Variants in TBC1D32 observed in about 807,000 individuals in gnomAD.
The protein encoded by TBC1D32 is protein broad-minded.
In TBC1D32, 151 loss-of-function variants were observed where a neutral mutation model predicts 170.3. The observed-to-expected ratio is 0.89, with a 90% CI of 0.78 to 1.01. The LOEUF (loss-of-function observed/expected upper bound fraction) is 1.01, where lower values mean the gene tolerates loss of function less well. Ranked by LOEUF, TBC1D32 falls within the 50% of genes least tolerant of loss-of-function variation. The pLI is 0.00. For missense variants in TBC1D32, 1,464 were observed against 1,457.1 expected, an observed-to-expected ratio of 1.00 and a Z score of -0.08; for synonymous variants, 498 against 488.0, an observed-to-expected ratio of 1.02 and a Z score of -0.27.
intron 15 of TBC1D32, among the ~76,000 whole-genome samples, chr6:121,275,304 G>C (rs1225547469): frequency 1.3e-5 from 2 of 152,058 alleles, no homozygotes; most frequent in Non-Finnish European, 2.9e-5. Flanking sequence ...ATAGCTGAAA[G>C]TAGTTGTCTC....
intron 30 of TBC1D32, among the ~76,000 whole-genome samples, chr6:121,096,437 C>G (rs573347867): frequency 4.5e-4 from 68 of 152,112 alleles, no homozygotes; most frequent in African/African-American, 1.5e-3. Context: ...GAGTGAACTT[C>G]CATTCACAAT....
At chr6:121,316,331 A>G (rs1326830995) in intron 3 of TBC1D32, among the ~76,000 whole-genome samples, 3 of 152,122 alleles carry the variant, frequency 2.0e-5, no homozygotes, top group Non-Finnish European at 4.4e-5. Flanking sequence ...GTAAGAGCAT[A>G]TAATCTTGTG....
intron 20 of TBC1D32, among the ~76,000 whole-genome samples, chr6:121,235,385 G>GT (rs908965348): frequency 6.6e-6 from 1 of 152,128 alleles, no homozygotes; most frequent in Non-Finnish European, 1.5e-5. Context: ...AGGGAGAGGC[G>GT]TGTCTGAGCT....
At chr6:121,261,494 G>A (rs954837492) in intron 15 of TBC1D32, among the ~76,000 whole-genome samples, 2 of 152,044 alleles carry the variant, frequency 1.3e-5, no homozygotes, top group African/African-American at 4.8e-5. Flanking sequence ...AGATGAATAG[G>A]GCCTGAAGTG....
intron 4 of TBC1D32, among the ~76,000 whole-genome samples, 165 bp downstream of exon 4, chr6:121,310,614 C>A (rs1169349832): frequency 6.6e-6 from 1 of 152,154 alleles, no homozygotes; most frequent in Non-Finnish European, 1.5e-5. Context: ...TATTCTGTGA[C>A]TTTTCATTTG....
intron 5 of TBC1D32, among the ~76,000 whole-genome samples, chr6:121,305,731 G>C (rs944185062): frequency 2.0e-5 from 3 of 151,842 alleles, no homozygotes; most frequent in African/African-American, 7.2e-5. Flanking sequence ...AACCCTATAG[G>C]CTTCACTCAG....
At chr6:121,178,193 G>A (rs551846071) in intron 22 of TBC1D32, among the ~76,000 whole-genome samples, 1 of 152,212 alleles carries the variant, frequency 6.6e-6, no homozygotes, top group South Asian at 2.1e-4. Context: ...GCCTGGTCCC[G>A]CCCTTGACAC....
chr6:121,084,039 C>T (rs56822960), intron 31 of TBC1D32, among the ~76,000 whole-genome samples: 29,378 of 151,914 alleles, frequency 0.19, 3,955 homozygotes, highest in African/African-American at 0.36. Flanking sequence ...TTTAAGGAGG[C>T]TTTTGCCTAG....
At chr6:121,221,448 A>G (rs565542889) in intron 21 of TBC1D32, among the ~76,000 whole-genome samples, 293 of 152,340 alleles carry the variant, frequency 1.9e-3, no homozygotes, top group Non-Finnish European at 3.4e-3. Context: ...ATATTTTGTA[A>G]GGCTATAACT....
At chr6:121,209,094 T>C (rs1792709155) in intron 21 of TBC1D32, among the ~76,000 whole-genome samples, 2 of 151,926 alleles carry the variant, frequency 1.3e-5, no homozygotes, top group East Asian at 3.9e-4. Flanking sequence ...TCTAAAAGCA[T>C]TTAGTCTTCA....
intron 22 of TBC1D32, among the ~76,000 whole-genome samples, chr6:121,187,606 C>T (rs911114637): frequency 6.6e-6 from 1 of 151,934 alleles, no homozygotes; most frequent in Non-Finnish European, 1.5e-5. Flanking sequence ...ACATCTCTTC[C>T]TACTGAGAAA....
chr6:121,092,478 A>G (rs532100248), intron 30 of TBC1D32, among the ~76,000 whole-genome samples: 45 of 151,984 alleles, frequency 3.0e-4, no homozygotes, highest in African/African-American at 1.1e-3. Flanking sequence ...TGTTTTTTAT[A>G]TCCTTGATTC....
intron 24 of TBC1D32, among the ~76,000 whole-genome samples, chr6:121,153,420 G>A (rs1784456804): frequency 6.6e-6 from 1 of 152,148 alleles, no homozygotes; most frequent in African/African-American, 2.4e-5. Context: ...CCTGTATAAG[G>A]TGTCTGTTGA....
chr6:121,088,239 G>A (rs1169111334), intron 31 of TBC1D32, among the ~76,000 whole-genome samples: 1 of 152,072 alleles, frequency 6.6e-6, no homozygotes, highest in Non-Finnish European at 1.5e-5. Context: ...ACACGTGTGA[G>A]CCACTGCACC....
chr6:121,170,953 A>G (rs1489721127), intron 22 of TBC1D32, among the ~76,000 whole-genome samples: 1 of 152,050 alleles, frequency 6.6e-6, no homozygotes, highest in Non-Finnish European at 1.5e-5. Context: ...ATAAAATGTC[A>G]GTGGCTAATT....
intron 24 of TBC1D32, among the ~76,000 whole-genome samples, chr6:121,153,018 C>T (rs1784401751): frequency 1.3e-5 from 2 of 152,156 alleles, no homozygotes; most frequent in South Asian, 4.1e-4. Flanking sequence ...CAAACTCATT[C>T]TCTGTCCAAA....
chr6:121,120,672 T>C (rs1780164361), intron 26 of TBC1D32, among the ~76,000 whole-genome samples: 2 of 152,042 alleles, frequency 1.3e-5, no homozygotes, highest in South Asian at 4.1e-4. Flanking sequence ...CTTTCCTCTA[T>C]GCCTCAATTT....
At chr6:121,130,952 A>T (rs569654836) in intron 25 of TBC1D32, among the ~76,000 whole-genome samples, 1 of 152,222 alleles carries the variant, frequency 6.6e-6, no homozygotes, top group African/African-American at 2.4e-5. Context: ...TATTCTCTGG[A>T]AATATTTCTC....
rs759733610 is a variant in TBC1D32 at position 121,091,052 on chromosome 6, A to C, written c.3466-11T>G. 38 of 1,575,520 alleles carry C rather than the reference A, an allele frequency of 2.4e-5. No homozygotes were observed. The highest frequency in any genetic ancestry group is 3.0e-5 in the Non-Finnish European group (35 of 1,169,432). On this transcript the variant is annotated splice_polypyrimidine_tract_variant and intron_variant, in intron 30 of 31. Transcript: ENST00000398212. ...CCATTGCAGGCAAATCTTTAAAAAA[A>C]AAAAGTAGTAAGTTCATTAAAAAAT...
Sources: allele counts gnomAD v4.1 joint callset (sites outside exome capture counted in the v4.1 genomes callset), GRCh38; gene constraint gnomAD v4.1.1; transcripts MANE v1.5; gene names NCBI Gene and HGNC (gene_info 2026-07-23, HGNC 2026-07-21).